The following ANKRD45 variants were observed in gnomAD, a reference collection of about 807,000 sequenced individuals.
The protein encoded by ANKRD45 is ankyrin repeat domain 45.
In ANKRD45, 21 loss-of-function variants were observed where a neutral mutation model predicts 28.1. The observed-to-expected ratio is 0.75, with a 90% CI of 0.53 to 1.08. The LOEUF (loss-of-function observed/expected upper bound fraction) is 1.08. Ranked by LOEUF, ANKRD45 falls within the 50% of genes least tolerant of loss-of-function variation. The pLI is 0.00. For missense variants in ANKRD45, 261 were observed against 308.7 expected (o/e 0.85, Z 1.16); for synonymous variants, 86 against 103.9 (o/e 0.83, Z 1.05).
chr1:173,613,008 G>A (rs912640270), intron 5 of ANKRD45, among the ~76,000 whole-genome samples: 2 of 152,046 alleles, frequency 1.3e-5, no homozygotes, highest in African/African-American at 4.8e-5. Flanking sequence ...CTGCCCGGCC[G>A]CCACCCCGTC....
At chr1:173,707,717 T>A in the ANKRD45 span, among the ~76,000 whole-genome samples, 1 of 152,212 alleles carries the variant, frequency 6.6e-6, no homozygotes, top group African/African-American at 2.4e-5. Flanking sequence ...TCAAATACAT[T>A]TGATTGATGT....
At position 173,647,584 on chromosome 1, in the gene ANKRD45, T is replaced by G. The variant is rs553661967; in HGVS notation, c.329-571A>C. Among the ~76,000 whole-genome samples, 5 of 152,342 alleles carry G rather than the reference T, an allele frequency of 3.3e-5. No individual in the cohort carries two copies. The East Asian group carries it at 9.6e-4, about 29-fold the overall frequency. Reference sequence around the variant, plus strand: ...GGTATAATTGTAAACAAGAAGAATATGGAAGGCATCTTTAAATATTTTTCA... The same window carrying G: ...GGTATAATTGTAAACAAGAAGAATAGGGAAGGCATCTTTAAATATTTTTCA... On this transcript the variant is annotated intron_variant, in intron 2 of 5. Transcript: ENST00000333279.
chr1:173,625,288 ATTCT>A (rs1667884041), intron 4 of ANKRD45, among the ~76,000 whole-genome samples: 1 of 152,054 alleles, frequency 6.6e-6, no homozygotes, highest in African/African-American at 2.4e-5. Context: ...TTTCTCCCTA[ATTCT>A]TTATTTTTGT....
chr1:173,644,334 C>A (rs924895656), intron 3 of ANKRD45, among the ~76,000 whole-genome samples: 2 of 151,936 alleles, frequency 1.3e-5, no homozygotes, highest in African/African-American at 2.4e-5. Context: ...CTGAATAAGA[C>A]TGAATTAAAC....
intron 1 of ANKRD45, among the ~76,000 whole-genome samples, chr1:173,662,922 A>C (rs1669845474): frequency 6.6e-6 from 1 of 152,120 alleles, no homozygotes; most frequent in Non-Finnish European, 1.5e-5. Context: ...CCCAATCAAC[A>C]ATGACTCAAC....
At chr1:173,694,038 C>T in the ANKRD45 span, among the ~76,000 whole-genome samples, 10 of 152,142 alleles carry the variant, frequency 6.6e-5, no homozygotes, top group Non-Finnish European at 1.5e-4. Flanking sequence ...ATGGTTGGAG[C>T]GGGAAAGGAG....
chr1:173,622,716 C>G (rs1372728892), intron 5 of ANKRD45, among the ~76,000 whole-genome samples: 1 of 152,092 alleles, frequency 6.6e-6, no homozygotes, highest in Non-Finnish European at 1.5e-5. Context: ...AGAAGAAAAT[C>G]AAGGCAATAC....
At chr1:173,694,534 TTTATTATTATTATTATTATTA>T in the ANKRD45 span, among the ~76,000 whole-genome samples, 1 of 144,102 alleles carries the variant, frequency 6.9e-6, no homozygotes, top group Non-Finnish European at 1.5e-5. Flanking sequence ...ACTTAAGAAG[TTTATTATTATTATTATTATTA>T]TTATTATTAT....
At chr1:173,674,054 G>A (rs560730129), upstream of ANKRD45, among the ~76,000 whole-genome samples, 1 of 152,204 alleles carries the variant, frequency 6.6e-6, no homozygotes, top group Admixed American at 6.5e-5. Flanking sequence ...TGTCACCCAG[G>A]CTGGAGTGCA....
At chr1:173,670,734 AAAT>A, upstream of ANKRD45, among the ~76,000 whole-genome samples, 1 of 152,166 alleles carries the variant, frequency 6.6e-6, no homozygotes, top group East Asian at 1.9e-4. Context: ...TGTCTCTCTA[AAAT>A]AATAATTGGT....
chr1:173,654,971 A>T (rs1669431317), intron 2 of ANKRD45, among the ~76,000 whole-genome samples: 1 of 151,984 alleles, frequency 6.6e-6, no homozygotes, highest in African/African-American at 2.4e-5. Context: ...TCTTCTCTAC[A>T]CTGTTTATTC....
chr1:173,628,488 A>G (rs1361222372), intron 3 of ANKRD45, among the ~76,000 whole-genome samples: 1 of 152,120 alleles, frequency 6.6e-6, no homozygotes, highest in Non-Finnish European at 1.5e-5. Flanking sequence ...TACCAGCAGT[A>G]GCCAGGTGGA....
rs1241282000 is a variant in ANKRD45, at chr1:173,624,907, A to T, written c.610T>A (p.Cys204Ser). 3 of 1,613,518 alleles carry T rather than the reference A, an allele frequency of 1.9e-6. No homozygotes were observed. In the African/African-American group the frequency reaches 4.0e-5, roughly 22 times the overall value. ...KEDKNTILSA[C>S]RAKNEWLETH... ...TCCAACCACTCATTTTTTGCACGGC[A>T]TGCACTGAGGATGGTATTCTAGGGA... Residue 204 changes from cysteine (C) to serine (S), a missense_variant, in exon 5 of 6, where the codon TGC (cysteine) becomes AGC (serine). Coordinates refer to ENST00000333279, the MANE Select transcript of ANKRD45 (RefSeq NM_198493.3).
the ANKRD45 span, among the ~76,000 whole-genome samples, chr1:173,708,643 G>A: frequency 6.6e-6 from 1 of 152,148 alleles, no homozygotes; most frequent in African/African-American, 2.4e-5. Context: ...ATGGGGCACT[G>A]TTATCTTTAT....
intron 1 of ANKRD45, among the ~76,000 whole-genome samples, chr1:173,663,967 T>C (rs934339759): frequency 6.6e-6 from 1 of 152,338 alleles, no homozygotes; most frequent in East Asian, 1.9e-4. Flanking sequence ...CAAAGCAATG[T>C]TTCTCTTTAC....
the ANKRD45 span, among the ~76,000 whole-genome samples, chr1:173,687,986 CTTT>C: frequency 1.2e-4 from 15 of 128,578 alleles, no homozygotes; most frequent in African/African-American, 3.0e-4. Context: ...AATGTTGAAT[CTTT>C]TTTTTTTTTT....
At chr1:173,684,669 T>A in the ANKRD45 span, among the ~76,000 whole-genome samples, 24 of 152,338 alleles carry the variant, frequency 1.6e-4, no homozygotes, top group African/African-American at 5.5e-4. Context: ...AATGCCTTTG[T>A]TATACTTCCA....
chr1:173,631,062 T>C (rs2102333174), intron 3 of ANKRD45, among the ~76,000 whole-genome samples: 1 of 151,942 alleles, frequency 6.6e-6, no homozygotes, highest in South Asian at 2.1e-4. Context: ...GATCCAATTA[T>C]CTGTTACATA....
At chr1:173,682,818 C>A in the ANKRD45 span, among the ~76,000 whole-genome samples, 1 of 151,992 alleles carries the variant, frequency 6.6e-6, no homozygotes, top group Non-Finnish European at 1.5e-5. Flanking sequence ...TCAACTAGGA[C>A]AAATTGCTGC....
Sources: allele counts gnomAD v4.1 joint callset (sites outside exome capture counted in the v4.1 genomes callset), GRCh38; gene constraint gnomAD v4.1.1; transcripts MANE v1.5; gene names NCBI Gene and HGNC (gene_info 2026-07-23, HGNC 2026-07-21).